The following SEMA6D variants were observed in gnomAD, a reference collection of about 807,000 sequenced individuals.
SEMA6D encodes semaphorin-6D.
A neutral mutation model predicts 106.6 loss-of-function variants in SEMA6D; 35 were observed. The observed-to-expected ratio is 0.33, with a 90% CI of 0.25 to 0.44. The LOEUF (loss-of-function observed/expected upper bound fraction) is 0.44. Among genes scored for constraint, SEMA6D ranks in the 20% least tolerant of loss-of-function variants. The pLI is 1.00. For synonymous variants in SEMA6D, 499 were observed against 487.7 expected, an observed-to-expected ratio of 1.02 and a Z score of -0.31; for missense variants, 1,185 against 1,345.9, an observed-to-expected ratio of 0.88 and a Z score of 1.87.
At chr15:47,477,071 A>T (rs923734106) in intron 3 of SEMA6D, among the ~76,000 whole-genome samples, 1 of 152,230 alleles carries the variant, frequency 6.6e-6, no homozygotes, top group Non-Finnish European at 1.5e-5. Flanking sequence ...AATTCATTTA[A>T]CCAAAATGTA....
intron 1 of SEMA6D, among the ~76,000 whole-genome samples, chr15:47,249,021 G>T (rs553378621): frequency 6.6e-6 from 1 of 151,906 alleles, no homozygotes; most frequent in Non-Finnish European, 1.5e-5. Context: ...TGAGGTCAGG[G>T]GTTAAAGACC....
At chr15:47,447,556 C>CAG (rs1443023471) in intron 2 of SEMA6D, among the ~76,000 whole-genome samples, 1 of 152,140 alleles carries the variant, frequency 6.6e-6, no homozygotes, top group African/African-American at 2.4e-5. Context: ...TCCACAGGGG[C>CAG]AGAAGCTCTT....
At chr15:47,716,230 C>A (rs1242099935), upstream of SEMA6D, among the ~76,000 whole-genome samples, 2 of 152,186 alleles carry the variant, frequency 1.3e-5, no homozygotes, top group Admixed American at 6.5e-5. Context: ...CCTTCTCTCC[C>A]CTTCTTTCCT....
At chr15:47,373,632 G>A (rs1368932070) in intron 1 of SEMA6D, among the ~76,000 whole-genome samples, 1 of 152,192 alleles carries the variant, frequency 6.6e-6, no homozygotes, top group Non-Finnish European at 1.5e-5. Flanking sequence ...AGTACATTAT[G>A]AGACGTCCAT....
intron 1 of SEMA6D, among the ~76,000 whole-genome samples, chr15:47,342,588 A>G (rs1595773114): frequency 6.6e-6 from 1 of 152,240 alleles, no homozygotes; most frequent in East Asian, 1.9e-4. Context: ...TATTCTGAAC[A>G]TAGTTTAACC....
chr15:47,253,690 A>G (rs2033641726), intron 1 of SEMA6D, among the ~76,000 whole-genome samples: 1 of 152,132 alleles, frequency 6.6e-6, no homozygotes, highest in African/African-American at 2.4e-5. Flanking sequence ...TGAGTTCTCT[A>G]TTCTATCCCA....
intron 3 of SEMA6D, among the ~76,000 whole-genome samples, chr15:47,532,960 T>TTGA (rs147858151): frequency 0.023 from 3,478 of 152,188 alleles, 126 homozygotes; most frequent in African/African-American, 0.079. Context: ...TTTGATGATA[T>TTGA]TGATGATGAT....
At chr15:47,748,662 C>G (rs2081270103) in intron 1 of SEMA6D, among the ~76,000 whole-genome samples, 1 of 152,146 alleles carries the variant, frequency 6.6e-6, no homozygotes, top group South Asian at 2.1e-4. Flanking sequence ...GCAGAAGACA[C>G]TGCTTAGGGA....
chr15:47,652,814 T>G (rs1177332764), intron 4 of SEMA6D, among the ~76,000 whole-genome samples: 1 of 152,236 alleles, frequency 6.6e-6, no homozygotes, highest in Non-Finnish European at 1.5e-5. Context: ...TGTCTCTGCT[T>G]TGCTTCAGAG....
intron 4 of SEMA6D, among the ~76,000 whole-genome samples, chr15:47,681,498 A>G (rs8037648): frequency 0.026 from 3,954 of 152,284 alleles, 176 homozygotes; most frequent in African/African-American, 0.09. Flanking sequence ...CAGTGATGCA[A>G]GATGAAAAAT....
At chr15:47,320,207 A>G (rs971585178) in intron 1 of SEMA6D, among the ~76,000 whole-genome samples, 1 of 152,076 alleles carries the variant, frequency 6.6e-6, no homozygotes, top group Admixed American at 6.5e-5. Context: ...ATATCTCTGT[A>G]GGGATGCTCA....
intron 2 of SEMA6D, 76 bp from the exon 3 acceptor site, chr15:47,760,228 A>G: frequency 3.0e-6 from 3 of 1,002,410 alleles, no homozygotes; most frequent in Non-Finnish European, 4.7e-6. Flanking sequence ...ACAAGTATAT[A>G]CAGCTAATCA....
At chr15:47,387,159 G>A (rs16959381) in intron 1 of SEMA6D, among the ~76,000 whole-genome samples, 4,632 of 152,316 alleles carry the variant, frequency 0.03, 101 homozygotes, top group South Asian at 0.092. Context: ...TTTGTGAAGA[G>A]TAACCCAGAA....
chr15:47,771,605 A>G lies in SEMA6D; in HGVS notation c.3042A>G (p.Gly1014=). The G allele has an allele frequency of 1.2e-6, 2 of 1,614,118 alleles. No individual in the cohort carries two copies. The highest frequency in any genetic ancestry group is 1.1e-5 in the South Asian group (1 of 91,082). Residue 1014 remains glycine (G), a synonymous_variant, in exon 19 of 19, where the codon GGA becomes GGG. Transcript: ENST00000536845. ...PTGAKVDYIQ[G]TPVSVHLQPS... ...GGGCGAAGGTGGACTATATTCAGGG[A>G]ACACCAGTGAGTGTTCATCTGCAGC...
intron 4 of SEMA6D, among the ~76,000 whole-genome samples, chr15:47,625,961 G>A (rs1165442196): frequency 2.6e-5 from 4 of 152,056 alleles, no homozygotes; most frequent in Non-Finnish European, 5.9e-5. Context: ...ACATTTTCTA[G>A]CTGAAGATTT....
chr15:47,324,282 C>A (rs2037040100), intron 1 of SEMA6D, among the ~76,000 whole-genome samples: 1 of 152,086 alleles, frequency 6.6e-6, no homozygotes, highest in Admixed American at 6.6e-5. Context: ...TTCTTTTTTA[C>A]AACTATGGAC....
At chr15:47,318,334 G>T in intron 1 of SEMA6D, among the ~76,000 whole-genome samples, 2 of 141,182 alleles carry the variant, frequency 1.4e-5, no homozygotes, top group South Asian at 2.3e-4. Flanking sequence ...AGTTACATAT[G>T]TATACATGTG....
intron 2 of SEMA6D, among the ~76,000 whole-genome samples, chr15:47,430,167 CT>C (rs2140527261): frequency 6.6e-6 from 1 of 152,166 alleles, no homozygotes; most frequent in South Asian, 2.1e-4. Flanking sequence ...ACACATCCTT[CT>C]TTTTTTCCCA....
chr15:47,650,384 TCA>T (rs1369052812), intron 4 of SEMA6D, among the ~76,000 whole-genome samples: 1 of 152,206 alleles, frequency 6.6e-6, no homozygotes, highest in East Asian at 1.9e-4. Flanking sequence ...ATGTGGGAAC[TCA>T]CAGCCAAATG....
Sources: allele counts gnomAD v4.1 joint callset (sites outside exome capture counted in the v4.1 genomes callset), GRCh38; gene constraint gnomAD v4.1.1; transcripts MANE v1.5; gene names NCBI Gene and HGNC (gene_info 2026-07-23, HGNC 2026-07-21).